Variants in MEF2A observed in about 807,000 individuals in gnomAD.
MEF2A encodes the protein myocyte enhancer factor 2A, also known as myocyte-specific enhancer factor 2A.
Under a neutral mutation model 55.8 loss-of-function variants are expected in MEF2A, and 28 were observed. The observed-to-expected ratio is 0.50, with a 90% confidence interval of 0.37 to 0.69. MEF2A has a LOEUF of 0.69. Among genes scored for constraint, MEF2A ranks in the 30% least tolerant of loss-of-function variants. The pLI is 0.00. For missense variants in MEF2A, 528 were observed against 626.2 expected, an observed-to-expected ratio of 0.84 and a Z score of 1.67; for synonymous variants, 239 against 227.1, an observed-to-expected ratio of 1.05 and a Z score of -0.47.
At chr15:99,706,879 G>A (rs202196586) in intron 10 of MEF2A, 24 bp downstream of exon 10, 33 of 1,608,672 alleles carry the variant, frequency 2.1e-5, no homozygotes, top group Admixed American at 1.2e-4. Flanking sequence ...GGTGCCTTCC[G>A]TAGGTTTTAC....
At chr15:99,608,682 T>C (rs1422427646) in intron 2 of MEF2A, among the ~76,000 whole-genome samples, 1 of 152,154 alleles carries the variant, frequency 6.6e-6, no homozygotes, top group Non-Finnish European at 1.5e-5. Flanking sequence ...GTGGATCACC[T>C]GAGGTCAGGA....
chr15:99,609,616 G>A (rs949246977), intron 2 of MEF2A, among the ~76,000 whole-genome samples: 2 of 152,068 alleles, frequency 1.3e-5, no homozygotes, highest in Non-Finnish European at 2.9e-5. Context: ...TAAAATAATA[G>A]CTTATGATAG....
rs1304633943 is a variant in MEF2A at position 99,566,044 on chromosome 15, AGC to A, written c.-282_-281del. ...AAAGAGGCGGCTCCGGGCGGCGCGA[AGC>A]GCTGGTGGCGGGCCCGGGCTGCGGC... On this transcript the variant is annotated 5_prime_UTR_variant, in exon 1 of 12. Transcript: ENST00000557942. The A allele has an allele frequency of 4.6e-5, 7 of 152,348 alleles. No homozygotes were observed. The highest frequency in any genetic ancestry group is 1.7e-4 in the African/African-American group (7 of 41,434). 9.4% of individuals were successfully genotyped at this position (152,348 alleles called of 1,614,324 possible). A position where few individuals can be genotyped will look rare whatever the true frequency, so the allele number is the denominator to read the frequency against.
At chr15:99,706,286 G>A (rs1243826577) in intron 9 of MEF2A, among the ~76,000 whole-genome samples, 4 of 152,252 alleles carry the variant, frequency 2.6e-5, no homozygotes, top group African/African-American at 9.6e-5. Flanking sequence ...GTGTTAACAC[G>A]TAAATAATAC....
chr15:99,664,584 A>G (rs2049252278), intron 4 of MEF2A, among the ~76,000 whole-genome samples: 1 of 152,224 alleles, frequency 6.6e-6, no homozygotes. Context: ...ATAAGAGTCT[A>G]GACATAAGAT....
intron 3 of MEF2A, among the ~76,000 whole-genome samples, chr15:99,644,746 C>G (rs2045660381): frequency 1.3e-5 from 2 of 152,130 alleles, no homozygotes; most frequent in South Asian, 4.1e-4. Flanking sequence ...CAGCATTGAG[C>G]AGAAAGTAAA....
intron 7 of MEF2A, among the ~76,000 whole-genome samples, chr15:99,676,720 C>T (rs2052161332): frequency 6.6e-6 from 1 of 152,062 alleles, no homozygotes; most frequent in South Asian, 2.1e-4. Context: ...CAGGTGCCCG[C>T]CACCACGCCG....
chr15:99,594,459 C>CTTTT (rs67846200), intron 1 of MEF2A, among the ~76,000 whole-genome samples: 16 of 124,338 alleles, frequency 1.3e-4, no homozygotes, highest in East Asian at 4.6e-4. Flanking sequence ...TCCTTTCTTT[C>CTTTT]TTTTTTTTTT....
intron 7 of MEF2A, among the ~76,000 whole-genome samples, chr15:99,676,019 G>A (rs1597072838): frequency 2.0e-5 from 3 of 151,102 alleles, no homozygotes; most frequent in African/African-American, 7.3e-5. Flanking sequence ...CAGCCTGGGC[G>A]ATAGAGTGAG....
At chr15:99,665,179 G>A (rs1181167653) in intron 4 of MEF2A, among the ~76,000 whole-genome samples, 1 of 152,176 alleles carries the variant, frequency 6.6e-6, no homozygotes, top group East Asian at 1.9e-4. Context: ...GGAAGTGGAT[G>A]TAACTAACCT....
Position 99,712,949 on chromosome 15 carries a change from G to A in MEF2A, c.*178G>A, listed in dbSNP as rs2058828093. ...TGTGTGGGTGTGTGTTACATACACA[G>A]AATCAGGCACTTACCTGCAAACTCC... On this transcript the variant is annotated 3_prime_UTR_variant, in exon 12 of 12. Coordinates refer to ENST00000557942, the MANE Select transcript of MEF2A (RefSeq NM_001319206.4). The surrounding 1 kb of genome is among the most constrained non-coding windows in gnomAD (Gnocchi z 4.1). 2 of 737,716 alleles carry A rather than the reference G, an allele frequency of 2.7e-6. No individual in the cohort carries two copies. Among genetic ancestry groups the A allele is most frequent in the African/African-American group, 3.5e-5 (2 of 56,362 alleles). 45.7% of individuals were successfully genotyped at this position (737,716 alleles called of 1,614,324 possible). A position where few individuals can be genotyped will look rare whatever the true frequency, so the allele number is the denominator to read the frequency against.
chr15:99,678,418 A>G (rs1054362706), intron 7 of MEF2A, among the ~76,000 whole-genome samples: 1 of 152,192 alleles, frequency 6.6e-6, no homozygotes, highest in African/African-American at 2.4e-5. Context: ...CTTGTTTTAA[A>G]TACGTTTTAT....
Position 99,633,094 on chromosome 15 carries a change from A to G in MEF2A, c.-26A>G, listed in dbSNP as rs2043189043. The G allele has an allele frequency of 6.3e-7, 1 of 1,585,906 alleles. No homozygotes were observed. The highest frequency in any genetic ancestry group is 8.6e-7 in the Non-Finnish European group (1 of 1,162,512). ...CTTTTGAATTAAATATTTGGAATAT[A>G]AGGAAATAAGGAAAGTTGACTGAAA... On this transcript the variant is annotated 5_prime_UTR_variant, in exon 3 of 12. The change creates a new upstream start codon in the 5' untranslated region. Transcript: ENST00000557942.
intron 8 of MEF2A, among the ~76,000 whole-genome samples, chr15:99,691,085 C>T (rs1368160442): frequency 6.8e-6 from 1 of 148,072 alleles, no homozygotes; most frequent in Non-Finnish European, 1.5e-5. Flanking sequence ...TAATATGTAA[C>T]ACCTTTCGAA....
At chr15:99,707,529 A>C (rs1346519592) in intron 10 of MEF2A, among the ~76,000 whole-genome samples, 1 of 152,156 alleles carries the variant, frequency 6.6e-6, no homozygotes, top group African/African-American at 2.4e-5. Context: ...AGAATATTAC[A>C]GTGATCGTAG....
chr15:99,694,966 A>G (rs1415384965), intron 8 of MEF2A, among the ~76,000 whole-genome samples: 1 of 124,768 alleles, frequency 8.0e-6, no homozygotes, highest in Non-Finnish European at 1.7e-5. Context: ...CCTTTGATAT[A>G]TCCTTATTTT....
chr15:99,692,525 C>T (rs139406925), intron 8 of MEF2A, among the ~76,000 whole-genome samples: 4 of 152,306 alleles, frequency 2.6e-5, no homozygotes, highest in Non-Finnish European at 4.4e-5. Context: ...AGACAAGACA[C>T]AGATGGTAAG....
chr15:99,650,038 C>T (rs978169421), intron 4 of MEF2A, among the ~76,000 whole-genome samples: 21 of 152,062 alleles, frequency 1.4e-4, no homozygotes, highest in Middle Eastern at 3.4e-3. Context: ...GGGTCATGGC[C>T]GTTTGTCTCT....
intron 3 of MEF2A, among the ~76,000 whole-genome samples, chr15:99,639,684 A>G (rs983006690): frequency 6.6e-6 from 1 of 152,140 alleles, no homozygotes; most frequent in Admixed American, 6.5e-5. Flanking sequence ...CACTGCAGTA[A>G]GTTTGTATGA....
Sources: gnomAD v4.1 joint callset for allele counts (sites outside exome capture counted in the v4.1 genomes callset) on GRCh38, gnomAD v4.1.1 for gene constraint, Gnocchi (gnomAD v3.1) non-coding constraint, MANE v1.5 for transcripts, NCBI Gene and HGNC (gene_info 2026-07-23, HGNC 2026-07-21) for gene names.